SLC19A3: variants seen among roughly 807,000 people sequenced by gnomAD.
SLC19A3 encodes the protein thiamine transporter 2.
In SLC19A3, 31 loss-of-function variants were observed where a neutral mutation model predicts 40.2. That is an observed-to-expected ratio of 0.77 (90% CI 0.58 to 1.04). The LOEUF (loss-of-function observed/expected upper bound fraction) is 1.04, where lower values mean the gene tolerates loss of function less well. Ranked by LOEUF, SLC19A3 falls within the 50% of genes least tolerant of loss-of-function variation. The pLI is 0.00. For missense variants in SLC19A3, 592 were observed against 596.7 expected (o/e 0.99, Z 0.08); for synonymous variants, 212 against 227.5 (o/e 0.93, Z 0.61).
chr2:227,694,997 T>C (rs77769618), intron 4 of SLC19A3, among the ~76,000 whole-genome samples: 5,105 of 151,898 alleles, frequency 0.034, 117 homozygotes, highest in Non-Finnish European at 0.051. Flanking sequence ...GAGATCAAGA[T>C]TGTGGTGTGC....
intron 4 of SLC19A3, among the ~76,000 whole-genome samples, chr2:227,692,579 C>T (rs1440615324): frequency 6.6e-6 from 1 of 152,128 alleles, no homozygotes; most frequent in East Asian, 1.9e-4. Context: ...ATATGACAGA[C>T]CTACAGCTAG....
intron 4 of SLC19A3, among the ~76,000 whole-genome samples, chr2:227,692,518 C>A (rs186655260): frequency 1.3e-5 from 2 of 152,236 alleles, no homozygotes; most frequent in Admixed American, 1.3e-4. Context: ...TGGCTAAATA[C>A]CCTCAAAAAA....
chr2:227,705,226 G>T lies in SLC19A3; in HGVS notation c.-2-2906C>A, dbSNP rs77715402. Reference sequence around the variant, plus strand: ...GCTAAGCTTTTTTTCTGAAACTTCTGTTTGGGTCAGCAATATATAAATACA... The same window carrying T: ...GCTAAGCTTTTTTTCTGAAACTTCTTTTTGGGTCAGCAATATATAAATACA... On this transcript the variant is annotated intron_variant, in intron 1 of 5. Transcript: ENST00000644224. Among the ~76,000 whole-genome samples the T allele has an allele frequency of 9.4e-3, 1,436 of 152,102 alleles. 33 individuals carry two copies. The highest frequency in any genetic ancestry group is 0.033 in the African/African-American group (1,364 of 41,472).
intron 1 of SLC19A3, chr2:227,702,973 C>A (rs1332963713): frequency 6.5e-6 from 1 of 152,688 alleles, no homozygotes; most frequent in Non-Finnish European, 1.5e-5. Context: ...AGACAGATAT[C>A]ATTTCCCCAC....
In SLC19A3 at chr2:227,686,274, A is replaced by C; in HGVS notation, c.*1123T>G. 2 of 317,258 alleles carry C rather than the reference A, an allele frequency of 6.3e-6. No individual in the cohort carries two copies. The highest frequency in any genetic ancestry group is 6.4e-6 in the Non-Finnish European group (1 of 155,234). The allele number at this position is 317,258 out of a possible 1,614,324, so 19.7% of individuals were successfully genotyped here. On this transcript the variant is annotated 3_prime_UTR_variant, in exon 6 of 6. Transcript: ENST00000644224. ...TTTCTTATTTCTAATACTTCTAGAA[A>C]CCTCCTTTAAGTTTTCCTATTTTAG...
chr2:227,702,578 A>C, intron 1 of SLC19A3: 1 of 435,304 alleles, frequency 2.3e-6, no homozygotes, highest in Non-Finnish European at 4.2e-6. Context: ...TTTTTAGTAG[A>C]GATGGGGTTT....
At chr2:227,710,477 C>T (rs1330070252) in intron 1 of SLC19A3, among the ~76,000 whole-genome samples, 1 of 152,076 alleles carries the variant, frequency 6.6e-6, no homozygotes, top group East Asian at 1.9e-4. Flanking sequence ...GGGTGGATCA[C>T]CTGAAGTTAG....
At position 227,701,514 on chromosome 2, in the gene SLC19A3, C is replaced by T. The variant is rs111983415; in HGVS notation, c.150+655G>A. The T allele has an allele frequency of 2.8e-3, 444 of 158,912 alleles. 4 individuals carry two copies. Among genetic ancestry groups the T allele is most frequent in the African/African-American group, 9.7e-3 (401 of 41,410 alleles). The allele number at this position is 158,912 out of a possible 1,614,324, so 9.8% of individuals were successfully genotyped here. On this transcript the variant is annotated intron_variant, in intron 2 of 5. Coordinates refer to ENST00000644224, the MANE Select transcript of SLC19A3 (RefSeq NM_025243.4). ...GCTCATGCCCGTAGTCCCAGCTACTCGGGATGCTGAGGTAGGACAATTGTT... is the reference window on the plus strand; with the variant it reads ...GCTCATGCCCGTAGTCCCAGCTACTTGGGATGCTGAGGTAGGACAATTGTT...
chr2:227,695,839 A>T, intron 4 of SLC19A3, 50 bp downstream of exon 4: 1 of 1,561,836 alleles, frequency 6.4e-7, no homozygotes, highest in Non-Finnish European at 8.8e-7. Context: ...TTAGAAAGAC[A>T]GAAGAGAGAG....
intron 2 of SLC19A3, chr2:227,700,789 G>T: frequency 1.7e-6 from 1 of 589,258 alleles, no homozygotes; most frequent in South Asian, 1.9e-5. Flanking sequence ...ATTTAATATG[G>T]ATCATCTCAC....
At chr2:227,690,819 T>C (rs893880860) in intron 4 of SLC19A3, among the ~76,000 whole-genome samples, 2 of 148,792 alleles carry the variant, frequency 1.3e-5, no homozygotes, top group African/African-American at 2.5e-5. Flanking sequence ...AATACAGTAA[T>C]AGTTGGAGAC....
intron 1 of SLC19A3, chr2:227,706,392 C>T (rs1372913752): frequency 8.1e-7 from 1 of 1,231,302 alleles, no homozygotes; most frequent in Non-Finnish European, 1.0e-6. Flanking sequence ...TTAAAAGTTA[C>T]TCCTGTAGCA....
chr2:227,711,102 C>T lies in SLC19A3; in HGVS notation c.-3+6841G>A, dbSNP rs13396201. Among the ~76,000 whole-genome samples the T allele has an allele frequency of 8.8e-3, 1,343 of 152,242 alleles. 22 individuals carry two copies. The highest frequency in any genetic ancestry group is 0.031 in the African/African-American group (1,276 of 41,550). ...GGATTCCAGGGTCTTGCTTAACCACCGTCGTTCTGCTGCAGTCAGAATTAG... is the reference window on the plus strand; with the variant it reads ...GGATTCCAGGGTCTTGCTTAACCACTGTCGTTCTGCTGCAGTCAGAATTAG... On this transcript the variant is annotated intron_variant, in intron 1 of 5. Transcript: ENST00000644224.
intron 1 of SLC19A3, chr2:227,706,432 T>C (rs1695945112): frequency 8.1e-7 from 1 of 1,230,600 alleles, no homozygotes; most frequent in South Asian, 4.1e-5. Context: ...ATAAGCTCTA[T>C]CACTTTTTAA....
Position 227,699,553 on chromosome 2 carries a change from C to A in SLC19A3, c.162G>T (p.Glu54Asp). The A allele has an allele frequency of 6.2e-7, 1 of 1,614,130 alleles. No homozygotes were observed. Among genetic ancestry groups the A allele is most frequent in the Non-Finnish European group, 8.5e-7 (1 of 1,180,016 alleles). ...KNLTSAEITN[E>D]IFPVWTYSYL... ...AGGAGTATGTCCAAACGGGGAAGATCTCATTTGTTATCTGCAAAGTTGGTA... is the reference window on the plus strand; with the variant it reads ...AGGAGTATGTCCAAACGGGGAAGATATCATTTGTTATCTGCAAAGTTGGTA... The change falls in exon 3 of 6, where the codon GAG becomes GAT. Residue 54 changes from glutamate (E) to aspartate (D), a missense_variant. Transcript: ENST00000644224.
chr2:227,706,265 A>G (rs1695939080), intron 1 of SLC19A3: 1 of 1,223,572 alleles, frequency 8.2e-7, no homozygotes, highest in Non-Finnish European at 1.0e-6. Context: ...CTTTGCTTCC[A>G]CTGCTTCTAA....
At chr2:227,716,901 T>C (rs1696351632) in intron 1 of SLC19A3, among the ~76,000 whole-genome samples, 1 of 152,002 alleles carries the variant, frequency 6.6e-6, no homozygotes, top group Non-Finnish European at 1.5e-5. Context: ...TGTTTTGGTC[T>C]ATTTAATATA....
chr2:227,712,142 G>A (rs1696164344), intron 1 of SLC19A3, among the ~76,000 whole-genome samples: 1 of 147,622 alleles, frequency 6.8e-6, no homozygotes, highest in Non-Finnish European at 1.5e-5. Flanking sequence ...AGTGGCTCAC[G>A]ACTGTAATCC....
rs1290611378 is a variant in SLC19A3, at chr2:227,685,903, A to T, written c.*1494T>A. 1.8e-5 allele frequency: 3 copies of T among 166,376 alleles called. No homozygotes were observed. The highest frequency in any genetic ancestry group is 1.3e-5 in the Non-Finnish European group (1 of 76,262). The allele number at this position is 166,376 out of a possible 1,614,324, so 10.3% of individuals were successfully genotyped here. ...TTAGCACAATTGCTACCATTTAAAA[A>T]TCAGGTGTTTTGGCCAGGCATGGTG... On this transcript the variant is annotated 3_prime_UTR_variant, in exon 6 of 6. Coordinates refer to ENST00000644224, the MANE Select transcript of SLC19A3 (RefSeq NM_025243.4).
Sources: allele counts gnomAD v4.1 joint callset (sites outside exome capture counted in the v4.1 genomes callset), GRCh38; gene constraint gnomAD v4.1.1; transcripts MANE v1.5; gene names NCBI Gene and HGNC (gene_info 2026-07-23, HGNC 2026-07-21).